The following HDAC2 variants were observed in gnomAD, a reference collection of about 807,000 sequenced individuals.
HDAC2 encodes YY1-associated factor 1.
In HDAC2, 5 loss-of-function variants were observed where a neutral mutation model predicts 68.5. The observed-to-expected ratio is 0.07, with a 90% CI of 0.04 to 0.15. HDAC2 has a LOEUF of 0.15. Ranked by LOEUF, HDAC2 falls within the 10% of genes least tolerant of loss-of-function variation. The probability of loss-of-function intolerance (pLI) is 1.00; values close to 1 mark genes in which losing one functional copy is unlikely to be tolerated. For missense variants in HDAC2, 291 were observed against 600.8 expected (o/e 0.48, Z 5.39); for synonymous variants, 182 against 191.3 (o/e 0.95, Z 0.40).
intron 1 of HDAC2, 41 bp downstream of exon 1, chr6:113,970,816 C>T (rs757316982): frequency 5.9e-4 from 894 of 1,512,822 alleles, no homozygotes; most frequent in Non-Finnish European, 7.6e-4. Flanking sequence ...ACCCAGCGCC[C>T]GGCCCCGCGC....
intron 8 of HDAC2, 176 bp downstream of exon 8, chr6:113,948,803 C>T (rs113149770): frequency 6.8e-6 from 4 of 589,752 alleles, no homozygotes; most frequent in Middle Eastern, 3.9e-4. Context: ...TATAAATCTG[C>T]CATAATGAAA....
In HDAC2 at chr6:113,940,777, C is replaced by T. The variant is rs1776111868; in HGVS notation, c.*281G>A. The T allele has an allele frequency of 6.7e-6, 2 of 299,420 alleles. No individual in the cohort carries two copies. Among genetic ancestry groups the T allele is most frequent in the South Asian group, 2.0e-4 (2 of 9,962 alleles). 18.5% of individuals were successfully genotyped at this position (299,420 alleles called of 1,614,324 possible). A position where few individuals can be genotyped will look rare whatever the true frequency, so the allele number is the denominator to read the frequency against. ...AGATGGAAAAATCAGCTCAGAAAGG[C>T]CAATTACTTCTTTAATAGATCAGTT... On this transcript the variant is annotated 3_prime_UTR_variant, in exon 14 of 14. Coordinates refer to ENST00000519065, the MANE Select transcript of HDAC2 (RefSeq NM_001527.4).
chr6:113,945,267 TA>T (rs1341467863), intron 10 of HDAC2, 94 bp downstream of exon 10: 3 of 528,726 alleles, frequency 5.7e-6, no homozygotes, highest in South Asian at 3.4e-5. Context: ...AAATATCTAA[TA>T]AAGTTAAAAA....
intron 6 of HDAC2, among the ~76,000 whole-genome samples, chr6:113,952,362 A>G (rs1484382359): frequency 6.6e-6 from 1 of 152,242 alleles, no homozygotes; most frequent in South Asian, 2.1e-4. Context: ...GAAAAGTTTC[A>G]GTAAGGTAAC....
chr6:113,971,080 G>A lies in HDAC2; in HGVS notation c.-172C>T, dbSNP rs1244549951. 5.8e-6 allele frequency: 9 copies of A among 1,551,356 alleles called. No homozygotes were observed. The highest frequency in any genetic ancestry group is 2.4e-5 in the East Asian group (1 of 41,488). ...GAGGAGGGGGCGCCGGGAAGGCTCG[G>A]TACCACCCGGCAGAGGTGCCGAAAG... On this transcript the variant is annotated 5_prime_UTR_variant, in exon 1 of 14. Coordinates refer to ENST00000519065, the MANE Select transcript of HDAC2 (RefSeq NM_001527.4).
rs979078202 is a variant in HDAC2 at position 113,935,448 on chromosome 6, C to A, written c.*5610G>T. ...CATCCTAGTAAGTATATGGCAAGGG[C>A]AGGGAAGTGACCCTGGATGTTTATT... On this transcript the variant is annotated 3_prime_UTR_variant, in exon 14 of 14. Transcript: ENST00000519065. The A allele has an allele frequency of 6.6e-6, 1 of 152,084 alleles. No individual in the cohort carries two copies. The highest frequency in any genetic ancestry group is 1.5e-5 in the Non-Finnish European group (1 of 68,018). The allele number at this position is 152,084 out of a possible 1,614,324, so 9.4% of individuals were successfully genotyped here.
At chr6:113,960,299 T>C (rs1481003043) in intron 1 of HDAC2, among the ~76,000 whole-genome samples, 1 of 152,056 alleles carries the variant, frequency 6.6e-6, no homozygotes, top group African/African-American at 2.4e-5. Context: ...ATTTTTAAAA[T>C]TTCTGTTCCT....
At position 113,945,375 on chromosome 6, in the gene HDAC2, T is replaced by C. The variant is rs1307792069; in HGVS notation, c.1078A>G (p.Met360Val). 7.1e-7 allele frequency: 1 copy of C among 1,407,286 alleles called. No homozygotes were observed. The highest frequency in any genetic ancestry group is 1.0e-6 in the Non-Finnish European group (1 of 998,434). 87.2% of individuals were successfully genotyped at this position (1,407,286 alleles called of 1,614,324 possible). A position where few individuals can be genotyped will look rare whatever the true frequency, so the allele number is the denominator to read the frequency against. The change falls in exon 10 of 14, where the codon ATG becomes GTG. Residue 360 changes from methionine (M) to valine (V), a missense_variant. Met to Val is a conservative substitution (Grantham distance 21). Coordinates refer to ENST00000519065, the MANE Select transcript of HDAC2 (RefSeq NM_001527.4). ...ATGATTTCTTACTTTATCTTTTCCATATATTCTGGAGTGTTCTGGTTTGTC... is the reference window on the plus strand; with the variant it reads ...ATGATTTCTTACTTTATCTTTTCCACATATTCTGGAGTGTTCTGGTTTGTC... The part of the protein sequence containing the change: ...NMTNQNTPEY[M>V]EKIKQRLFEN...
chr6:113,942,685 C>CTA (rs1482464031), intron 12 of HDAC2, among the ~76,000 whole-genome samples: 14 of 152,052 alleles, frequency 9.2e-5, no homozygotes, highest in African/African-American at 3.4e-4. Flanking sequence ...CTGTGAGGTG[C>CTA]TATAATATGA....
In HDAC2 at chr6:113,940,800, GT is replaced by G. The variant is rs975745531; in HGVS notation, c.*257del. 15 of 347,594 alleles carry G rather than the reference GT, an allele frequency of 4.3e-5. 1 individual carries two copies. Among genetic ancestry groups the G allele is most frequent in the East Asian group, 2.7e-4 (6 of 21,996 alleles). 21.5% of individuals were successfully genotyped at this position (347,594 alleles called of 1,614,324 possible). ...GGCCAATTACTTCTTTAATAGATCA[GT>G]TTTTTTGACATAATAACTCACATCA... On this transcript the variant is annotated 3_prime_UTR_variant, in exon 14 of 14. Coordinates refer to ENST00000519065, the MANE Select transcript of HDAC2 (RefSeq NM_001527.4).
At position 113,953,914 on chromosome 6, in the gene HDAC2, T is replaced by A. The variant is rs550226832; in HGVS notation, c.498-496A>T. Among the ~76,000 whole-genome samples the A allele has an allele frequency of 9.2e-5, 14 of 152,360 alleles. No individual in the cohort carries two copies. The South Asian group carries it at 2.9e-3, about 32-fold the overall frequency. ...AGAGTATTTTCTGACGTGTGATAAT[T>A]ATACAAAATTCAAATTTCAGTGTCC... On this transcript the variant is annotated intron_variant, in intron 5 of 13. Transcript: ENST00000519065.
At position 113,935,717 on chromosome 6, in the gene HDAC2, C is replaced by A. The variant is rs1218494028; in HGVS notation, c.*5341G>T. On this transcript the variant is annotated 3_prime_UTR_variant, in exon 14 of 14. Transcript: ENST00000519065. ...ATTTCTTTAACATTTAGAGTAAAAA[C>A]AATCTTAATAAAAAGAGCAAATAAC... 1.3e-5 allele frequency: 2 copies of A among 152,110 alleles called. No homozygotes were observed. The highest frequency in any genetic ancestry group is 4.1e-4 in the South Asian group (2 of 4,828). 9.4% of individuals were successfully genotyped at this position (152,110 alleles called of 1,614,324 possible). A position where few individuals can be genotyped will look rare whatever the true frequency, so the allele number is the denominator to read the frequency against.
chr6:113,943,527 A>C lies in HDAC2; in HGVS notation c.1223-21T>G. ...TCGAACTGCACAGAATATTTTAATA[A>C]ATTTTGACAAAAACAGTCACAGGTT... On this transcript the variant is annotated intron_variant, in intron 11 of 13. Coordinates refer to ENST00000519065, the MANE Select transcript of HDAC2 (RefSeq NM_001527.4). 6.4e-7 allele frequency: 1 copy of C among 1,567,912 alleles called. No individual in the cohort carries two copies.
In HDAC2 at chr6:113,955,753, C is replaced by T. The variant is rs2998739; in HGVS notation, c.497+260G>A. On this transcript the variant is annotated intron_variant, in intron 5 of 13. Coordinates refer to ENST00000519065, the MANE Select transcript of HDAC2 (RefSeq NM_001527.4). Reference sequence around the variant, plus strand: ...CTCAAACTCCTGGGCTCAAGAGATCCGCCCACCTCAGCCTCCCAAAGTGGA... The same window carrying T: ...CTCAAACTCCTGGGCTCAAGAGATCTGCCCACCTCAGCCTCCCAAAGTGGA... Among the ~76,000 whole-genome samples the T allele has an allele frequency of 2.5e-3, 378 of 152,296 alleles. 1 individual carries two copies. Among genetic ancestry groups the T allele is most frequent in the African/African-American group, 8.7e-3 (363 of 41,552 alleles).
chr6:113,948,875 G>A (rs1446259722), intron 8 of HDAC2, 104 bp downstream of exon 8: 3 of 1,298,654 alleles, frequency 2.3e-6, no homozygotes, highest in African/African-American at 3.0e-5. Context: ...AGAGTACAGT[G>A]TTAAAACAGC....
At chr6:113,942,463 A>G (rs954287968) in intron 12 of HDAC2, among the ~76,000 whole-genome samples, 6 of 151,362 alleles carry the variant, frequency 4.0e-5, no homozygotes. Context: ...GCTTATTCAC[A>G]TAACTTCAAT....
In HDAC2 at chr6:113,935,651, T is replaced by G. The variant is rs1254807049; in HGVS notation, c.*5407A>C. 6.6e-6 allele frequency: 1 copy of G among 152,192 alleles called. No homozygotes were observed. Among genetic ancestry groups the G allele is most frequent in the Non-Finnish European group, 1.5e-5 (1 of 68,022 alleles). The allele number at this position is 152,192 out of a possible 1,614,324, so 9.4% of individuals were successfully genotyped here. A position where few individuals can be genotyped will look rare whatever the true frequency, so the allele number is the denominator to read the frequency against. On this transcript the variant is annotated 3_prime_UTR_variant, in exon 14 of 14. Coordinates refer to ENST00000519065, the MANE Select transcript of HDAC2 (RefSeq NM_001527.4). ...GGTCTGGCCAAAAAAAATCTCCTAT[T>G]CAGAATCCTGCTACTCATTTTACCT...
At chr6:113,958,891 T>C (rs1776616260) in intron 2 of HDAC2, 125 bp from the exon 3 acceptor site, 1 of 707,716 alleles carries the variant, frequency 1.4e-6, no homozygotes, top group Non-Finnish European at 2.5e-6. Flanking sequence ...ACAAAATATA[T>C]AAATTCCAAA....
At chr6:113,950,640 C>T (rs1482383360) in intron 6 of HDAC2, among the ~76,000 whole-genome samples, 2 of 147,062 alleles carry the variant, frequency 1.4e-5, no homozygotes, top group East Asian at 2.0e-4. Flanking sequence ...AGGTAATCCA[C>T]TCGCCTCAGC....
Sources: gnomAD v4.1 joint callset for allele counts (sites outside exome capture counted in the v4.1 genomes callset) on GRCh38, gnomAD v4.1.1 for gene constraint, MANE v1.5 for transcripts, NCBI Gene and HGNC (gene_info 2026-07-23, HGNC 2026-07-21) for gene names.